The following CACNA2D3 variants were observed in gnomAD, a reference collection of about 807,000 sequenced individuals.
The protein encoded by CACNA2D3 is calcium voltage-gated channel auxiliary subunit alpha2delta 3.
Under a neutral mutation model 160.6 loss-of-function variants are expected in CACNA2D3, and 60 were observed. The ratio of observed to expected loss-of-function variants is 0.37; its 90% CI spans 0.30 to 0.46. The LOEUF is 0.46. CACNA2D3 is among the 20% of genes least tolerant of loss of function. The pLI, the probability that CACNA2D3 is intolerant of heterozygous loss-of-function variation, is 1.00. For missense variants in CACNA2D3, 1,205 were observed against 1,365.0 expected (o/e 0.88, Z 1.85); for synonymous variants, 558 against 492.9 (o/e 1.13, Z -1.75).
intron 4 of CACNA2D3, among the ~76,000 whole-genome samples, chr3:54,479,624 C>T (rs998381352): frequency 6.6e-6 from 1 of 152,168 alleles, no homozygotes; most frequent in Non-Finnish European, 1.5e-5. Context: ...TTCTCCCTCC[C>T]TTCTTGGAGA....
At chr3:54,610,439 CTT>C (rs72127250) in intron 9 of CACNA2D3, among the ~76,000 whole-genome samples, 101 of 146,476 alleles carry the variant, frequency 6.9e-4, no homozygotes, top group African/African-American at 2.5e-3. Flanking sequence ...AATCATAATG[CTT>C]TTTTTTTTTT....
At chr3:54,370,434 C>T (rs1698904779) in intron 3 of CACNA2D3, among the ~76,000 whole-genome samples, 1 of 152,146 alleles carries the variant, frequency 6.6e-6, no homozygotes, top group Admixed American at 6.5e-5. Flanking sequence ...GTGCTAAAGA[C>T]ACATAAAAGA....
At chr3:54,400,916 AT>A (rs1699449262) in intron 4 of CACNA2D3, among the ~76,000 whole-genome samples, 1 of 152,186 alleles carries the variant, frequency 6.6e-6, no homozygotes, top group Admixed American at 6.5e-5. Context: ...AAATTTATGA[AT>A]TTTCTAAAAA....
rs1259561471 is a variant in CACNA2D3 at position 54,763,789 on chromosome 3, GTA to G, written c.1247-421_1247-420del. 3.5e-3 allele frequency among the ~76,000 whole-genome samples: 104 copies of G among 29,506 alleles called. 11 individuals are homozygous for G. Among genetic ancestry groups the G allele is most frequent in the African/African-American group, 9.7e-3 (96 of 9,902 alleles). The allele number at this position is 29,506 out of a possible 152,430, so 19.4% of individuals were successfully genotyped here. A position where few individuals can be genotyped will look rare whatever the true frequency, so the allele number is the denominator to read the frequency against. ...TATATGTATATATGTACATATATAT[GTA>G]TATATATGTACATATATATACATAT... On this transcript the variant is annotated intron_variant, in intron 12 of 37. Transcript: ENST00000474759.
chr3:54,517,738 C>T lies in CACNA2D3; in HGVS notation c.544+14084C>T, dbSNP rs75433591. On this transcript the variant is annotated intron_variant, in intron 5 of 37. Coordinates refer to ENST00000474759, the MANE Select transcript of CACNA2D3 (RefSeq NM_018398.3). ...GCCTCACAGGGCATCCAGGTGTCAG[C>T]TCACGTCTCCTGATGCCCCCAAGGC... 2.8e-3 allele frequency among the ~76,000 whole-genome samples: 427 copies of T among 152,308 alleles called. 3 individuals are homozygous for T. The highest frequency in any genetic ancestry group is 9.8e-3 in the African/African-American group (408 of 41,560).
chr3:54,996,114 TGAC>T (rs1702852985), intron 31 of CACNA2D3, among the ~76,000 whole-genome samples: 1 of 152,228 alleles, frequency 6.6e-6, no homozygotes, highest in Non-Finnish European at 1.5e-5. Flanking sequence ...TAAGCCTCAA[TGAC>T]ATGCCCCACA....
At chr3:54,838,715 T>G in intron 16 of CACNA2D3, 67 bp downstream of exon 16, 1 of 1,223,670 alleles carries the variant, frequency 8.2e-7, no homozygotes, top group Non-Finnish European at 1.2e-6. Context: ...TTCACAAAGT[T>G]CAGGCTTCAA....
intron 2 of CACNA2D3, among the ~76,000 whole-genome samples, chr3:54,290,146 C>A (rs1485937785): frequency 1.3e-5 from 2 of 151,972 alleles, no homozygotes; most frequent in African/African-American, 4.8e-5. Context: ...AGAAAATTTT[C>A]GCAACCTACT....
At chr3:54,726,610 C>T (rs950391575) in intron 11 of CACNA2D3, among the ~76,000 whole-genome samples, 3 of 152,132 alleles carry the variant, frequency 2.0e-5, no homozygotes, top group African/African-American at 4.8e-5. Context: ...AATAACACCA[C>T]ACATCTACAA....
chr3:54,498,704 A>C (rs1276998734), intron 4 of CACNA2D3, among the ~76,000 whole-genome samples: 1 of 151,912 alleles, frequency 6.6e-6, no homozygotes, highest in Non-Finnish European at 1.5e-5. Context: ...TCTATATTAT[A>C]AGCTTTTAAA....
intron 4 of CACNA2D3, among the ~76,000 whole-genome samples, chr3:54,445,935 C>T (rs541424083): frequency 2.0e-5 from 3 of 152,224 alleles, no homozygotes; most frequent in Admixed American, 6.5e-5. Flanking sequence ...CTCTCCAGTG[C>T]CTGTCCTAAA....
intron 34 of CACNA2D3, among the ~76,000 whole-genome samples, chr3:55,010,302 T>C (rs149473765): frequency 6.6e-6 from 1 of 152,116 alleles, no homozygotes; most frequent in Non-Finnish European, 1.5e-5. Context: ...ACTACCAGGA[T>C]GATGAAATAA....
intron 4 of CACNA2D3, among the ~76,000 whole-genome samples, chr3:54,485,592 G>A (rs536974222): frequency 1.3e-5 from 2 of 150,190 alleles, no homozygotes; most frequent in South Asian, 4.2e-4. Flanking sequence ...TTGAGACAGA[G>A]TTGCCCTGTC....
At position 54,621,317 on chromosome 3, in the gene CACNA2D3, C is replaced by G. The variant is rs554532110; in HGVS notation, c.964-6470C>G. Among the ~76,000 whole-genome samples, 9 of 152,304 alleles carry G rather than the reference C, an allele frequency of 5.9e-5. No homozygotes were observed. In the South Asian group the frequency reaches 1.9e-3, roughly 32 times the overall value. On this transcript the variant is annotated intron_variant, in intron 9 of 37. Coordinates refer to ENST00000474759, the MANE Select transcript of CACNA2D3 (RefSeq NM_018398.3). ...CTGGTGAAGGAGAGGCTTATTTCAC[C>G]AGGATCCTCTGCTGGCCTCAACGTT...
chr3:54,440,001 G>A (rs1213081968), intron 4 of CACNA2D3, among the ~76,000 whole-genome samples: 6 of 152,084 alleles, frequency 3.9e-5, no homozygotes, highest in Non-Finnish European at 8.8e-5. Context: ...CTCTGACGTT[G>A]CCTGGCCAGC....
intron 2 of CACNA2D3, chr3:54,197,346 C>T (rs1377218871): frequency 7.2e-5 from 11 of 152,174 alleles, no homozygotes; most frequent in African/African-American, 9.7e-5. Flanking sequence ...ATGTCTTCCT[C>T]GTGACCTCAA....
chr3:54,717,936 T>G (rs1274655749), intron 11 of CACNA2D3, among the ~76,000 whole-genome samples: 1 of 152,132 alleles, frequency 6.6e-6, no homozygotes, highest in African/African-American at 2.4e-5. Flanking sequence ...GTATCTTAAT[T>G]CCCATCCCTG....
rs536216223 is a variant in CACNA2D3 at position 55,021,643 on chromosome 3, A to G, written c.2987+3326A>G. ...TGTGTGTGTATATATATATATATAT[A>G]TGTGTATATATATATGTGTGTGTAT... On this transcript the variant is annotated intron_variant, in intron 35 of 37. Transcript: ENST00000474759. 6.5e-3 allele frequency among the ~76,000 whole-genome samples: 791 copies of G among 122,634 alleles called. 4 individuals are homozygous for G. The highest frequency in any genetic ancestry group is 0.021 in the African/African-American group (670 of 32,506). 80.5% of individuals were successfully genotyped at this position (122,634 alleles called of 152,430 possible).
chr3:54,928,132 C>T, intron 27 of CACNA2D3: 6 of 551,102 alleles, frequency 1.1e-5, no homozygotes, highest in Non-Finnish European at 1.9e-5. Flanking sequence ...GATCAGTTTC[C>T]ATAAGAGGAT....
Sources: gnomAD v4.1 joint callset for allele counts (sites outside exome capture counted in the v4.1 genomes callset) on GRCh38, gnomAD v4.1.1 for gene constraint, MANE v1.5 for transcripts, NCBI Gene and HGNC (gene_info 2026-07-23, HGNC 2026-07-21) for gene names.